Variants in ETAA1 observed in about 807,000 individuals in gnomAD.
ETAA1 encodes the protein ETAA1 activator of ATR kinase.
A neutral mutation model predicts 76.8 loss-of-function variants in ETAA1; 49 were observed. The observed-to-expected ratio is 0.64, with a 90% CI of 0.51 to 0.81. The LOEUF (loss-of-function observed/expected upper bound fraction) is 0.81. Among genes scored for constraint, ETAA1 ranks in the 30% least tolerant of loss-of-function variants. The pLI is 0.00. For synonymous variants in ETAA1, 373 were observed against 372.2 expected (o/e 1.00, Z -0.03); for missense variants, 1,099 against 1,074.0 (o/e 1.02, Z -0.32).
chr2:67,399,662 AGTGAAGAATGT>A, intron 3 of ETAA1, 36 bp downstream of exon 3: 1 of 1,394,342 alleles, frequency 7.2e-7, no homozygotes. Context: ...GTTTTAAAAC[AGTGAAGAATGT>A]GCCACTAAGT....
At chr2:67,407,290 G>A (rs2103758379) in intron 5 of ETAA1, among the ~76,000 whole-genome samples, 1 of 150,184 alleles carries the variant, frequency 6.7e-6, no homozygotes, top group South Asian at 2.1e-4. Context: ...TCATAATGTT[G>A]TAAAAAAGTT....
chr2:67,401,303 T>TA (rs546616552), intron 3 of ETAA1: 78 of 151,816 alleles, frequency 5.1e-4, no homozygotes, highest in African/African-American at 1.8e-3. Flanking sequence ...GACAAATACT[T>TA]ATATTGTTTA....
rs372525682 is a variant in ETAA1 at position 67,404,644 on chromosome 2, C to T, written c.1962C>T (p.Asp654=). The T allele has an allele frequency of 5.6e-6, 9 of 1,612,958 alleles. No homozygotes were observed. Among genetic ancestry groups the T allele is most frequent in the African/African-American group, 4.0e-5 (3 of 74,756 alleles). Residue 654 remains aspartate, a synonymous_variant, in exon 5 of 6, where the codon GAC becomes GAT. Coordinates refer to ENST00000272342, the MANE Select transcript of ETAA1 (RefSeq NM_019002.4). ...GAGCCAAACTAACTCAGCAACAAGACATTAGAAAGGACAGTAAGACATCAG... is the reference window on the plus strand; with the variant it reads ...GAGCCAAACTAACTCAGCAACAAGATATTAGAAAGGACAGTAAGACATCAG... ...EHGAKLTQQQ[D]IRKDSKTSES... is the part of the protein sequence containing the mutation.
chr2:67,405,427 A>C (rs2103754691), intron 5 of ETAA1, 92 bp downstream of exon 5: 1 of 945,076 alleles, frequency 1.1e-6, no homozygotes, highest in South Asian at 2.2e-5. Flanking sequence ...AGTAATGTAT[A>C]AGGTAAAACT....
rs771037294 is a variant in ETAA1 at position 67,397,623 on chromosome 2, C to G, written c.175C>G (p.Arg59Gly). ...GGGGCCTCCCGGGCCAGTGCGGCAGCGAGAGCAGCCTCCGACCGCCGCCCT... is the reference window on the plus strand; with the variant it reads ...GGGGCCTCCCGGGCCAGTGCGGCAGGGAGAGCAGCCTCCGACCGCCGCCCT... ...REGPPGPVRQ[R>G]EQPPTAALCS... is the part of the protein sequence containing the mutation. The change falls in exon 1 of 6, where the codon CGA (arginine) becomes GGA (glycine). Residue 59 changes from arginine (R) to glycine (G), a missense_variant. Coordinates refer to ENST00000272342, the MANE Select transcript of ETAA1 (RefSeq NM_019002.4). 4.1e-5 allele frequency: 63 copies of G among 1,547,588 alleles called. No individual in the cohort carries two copies. Among genetic ancestry groups the G allele is most frequent in the Non-Finnish European group, 3.5e-6 (4 of 1,146,628 alleles).
rs898849138 is a variant in ETAA1 at position 67,411,611 on chromosome 2, T to C, written c.*1573T>C. The C allele has an allele frequency of 6.6e-6, 1 of 152,026 alleles. No homozygotes were observed. The highest frequency in any genetic ancestry group is 6.6e-5 in the Admixed American group (1 of 15,224). 9.4% of individuals were successfully genotyped at this position (152,026 alleles called of 1,614,324 possible). A position where few individuals can be genotyped will look rare whatever the true frequency, so the allele number is the denominator to read the frequency against. On this transcript the variant is annotated 3_prime_UTR_variant, in exon 6 of 6. Coordinates refer to ENST00000272342, the MANE Select transcript of ETAA1 (RefSeq NM_019002.4). ...CCTGGGAAAGAATCAAACTTTAAAG[T>C]ATGGTTTCTATTGGACGCATATCAC...
chr2:67,400,691 G>A (rs970777504), intron 3 of ETAA1: 8 of 152,112 alleles, frequency 5.3e-5, no homozygotes, highest in African/African-American at 1.9e-4. Flanking sequence ...AAGGAAGTAT[G>A]CCATTTTTCC....
At position 67,411,281 on chromosome 2, in the gene ETAA1, T is replaced by C. The variant is rs761330959; in HGVS notation, c.*1243T>C. 5.3e-5 allele frequency: 8 copies of C among 152,100 alleles called. No individual in the cohort carries two copies. Among genetic ancestry groups the C allele is most frequent in the Non-Finnish European group, 1.0e-4 (7 of 67,988 alleles). The allele number at this position is 152,100 out of a possible 1,614,324, so 9.4% of individuals were successfully genotyped here. ...CCTGTCATGGTGTGGCATTTATCAC[T>C]ATCAAGTGTCTCAAAGCTGTGATAA... On this transcript the variant is annotated 3_prime_UTR_variant, in exon 6 of 6. Coordinates refer to ENST00000272342, the MANE Select transcript of ETAA1 (RefSeq NM_019002.4).
At chr2:67,400,306 G>C (rs1676017296) in intron 3 of ETAA1, 1 of 152,090 alleles carries the variant, frequency 6.6e-6, no homozygotes, top group Non-Finnish European at 1.5e-5. Context: ...TACTGTAATA[G>C]AACCATCTCC....
rs947421649 is a variant in ETAA1 at position 67,397,686 on chromosome 2, G to A, written c.223+15G>A. ...TAACCCCGAGGGTGAGACGTCGGCA[G>A]CGCGGCCTGCCTTGGCTTCGGCGCC... is the stretch of plus-strand genomic sequence containing the variant. On this transcript the variant is annotated intron_variant, in intron 1 of 5. Transcript: ENST00000272342. 1 of 1,544,370 alleles carries A rather than the reference G, an allele frequency of 6.5e-7. No homozygotes were observed. The highest frequency in any genetic ancestry group is 2.4e-5 in the East Asian group (1 of 40,892).
rs756591892 is a variant in ETAA1 at position 67,404,806 on chromosome 2, T to C, written c.2124T>C (p.Asn708=). Residue 708 remains asparagine, a synonymous_variant, in exon 5 of 6, where the codon AAT becomes AAC. Transcript: ENST00000272342. ...TTTCAGTGCAGACATCTTTGACAAA[T>C]AGCTCACAAATAGATAAGCCAATGA... ...GSISVQTSLT[N]SSQIDKPMKM... 2.5e-6 allele frequency: 4 copies of C among 1,613,238 alleles called. No homozygotes were observed. The East Asian group carries it at 6.7e-5, about 27-fold the overall frequency.
chr2:67,405,354 A>T lies in ETAA1; in HGVS notation c.2653+19A>T, dbSNP rs1676188229. 6.8e-7 allele frequency: 1 copy of T among 1,481,300 alleles called. No homozygotes were observed. The highest frequency in any genetic ancestry group is 9.0e-7 in the Non-Finnish European group (1 of 1,114,210). 91.8% of individuals were successfully genotyped at this position (1,481,300 alleles called of 1,614,324 possible). A position where few individuals can be genotyped will look rare whatever the true frequency, so the allele number is the denominator to read the frequency against. ...TCAAAAGGTATGTATGAAATATGAAATAGTTTTCTTTGAAAAGCATCTTAA... is the reference window on the plus strand; with the variant it reads ...TCAAAAGGTATGTATGAAATATGAATTAGTTTTCTTTGAAAAGCATCTTAA... On this transcript the variant is annotated intron_variant, in intron 5 of 5. Coordinates refer to ENST00000272342, the MANE Select transcript of ETAA1 (RefSeq NM_019002.4).
At chr2:67,406,761 T>A (rs1406370423) in intron 5 of ETAA1, among the ~76,000 whole-genome samples, 1 of 152,074 alleles carries the variant, frequency 6.6e-6, no homozygotes, top group Non-Finnish European at 1.5e-5. Flanking sequence ...TACCTATAGA[T>A]CTATTTAAAT....
In ETAA1 at chr2:67,410,096, G is replaced by C. The variant is rs1367289158; in HGVS notation, c.*58G>C. The C allele has an allele frequency of 1.5e-5, 23 of 1,516,316 alleles. No individual in the cohort carries two copies. Among genetic ancestry groups the C allele is most frequent in the Non-Finnish European group, 1.9e-5 (22 of 1,128,850 alleles). 93.9% of individuals were successfully genotyped at this position (1,516,316 alleles called of 1,614,324 possible). A position where few individuals can be genotyped will look rare whatever the true frequency, so the allele number is the denominator to read the frequency against. On this transcript the variant is annotated 3_prime_UTR_variant, in exon 6 of 6. Coordinates refer to ENST00000272342, the MANE Select transcript of ETAA1 (RefSeq NM_019002.4). ...GCTGATAACTATCTGTGATTGATAG[G>C]AAATTTTTTTTCTTGATTTCTCTGT...
chr2:67,399,066 T>G (rs1158475590), intron 1 of ETAA1, 103 bp from the exon 2 acceptor site: 1 of 1,044,386 alleles, frequency 9.6e-7, no homozygotes, highest in East Asian at 2.7e-5. Context: ...AAAAATTATC[T>G]TGGACTATAA....
Position 67,404,461 on chromosome 2 carries a change from T to C in ETAA1, c.1779T>C (p.Cys593=). 6.2e-7 allele frequency: 1 copy of C among 1,613,320 alleles called. No homozygotes were observed. Among genetic ancestry groups the C allele is most frequent in the Non-Finnish European group, 8.5e-7 (1 of 1,179,520 alleles). Residue 593 remains cysteine, a synonymous_variant, in exon 5 of 6, where the codon TGT becomes TGC. Coordinates refer to ENST00000272342, the MANE Select transcript of ETAA1 (RefSeq NM_019002.4). ...PSFANEIIKA[C]HQLDNTWEAD... ...TTGCCAATGAAATTATTAAAGCATG[T>C]CATCAATTAGATAATACCTGGGAAG...
At chr2:67,408,305 T>C (rs1261176839) in intron 5 of ETAA1, among the ~76,000 whole-genome samples, 3 of 152,142 alleles carry the variant, frequency 2.0e-5, no homozygotes, top group Non-Finnish European at 2.9e-5. Context: ...CTAAAAATGA[T>C]TTTTACATTT....
rs1461661364 is a variant in ETAA1, at chr2:67,397,419, G to A, written c.-30G>A. 1.3e-6 allele frequency: 2 copies of A among 1,563,386 alleles called. No homozygotes were observed. The highest frequency in any genetic ancestry group is 1.4e-5 in the African/African-American group (1 of 73,850). On this transcript the variant is annotated 5_prime_UTR_variant, in exon 1 of 6. Coordinates refer to ENST00000272342, the MANE Select transcript of ETAA1 (RefSeq NM_019002.4). ...CATCCCTTTGCAAAATGTGAAAGAA[G>A]AAGCGGCTGGTGGAGGCGGGCCATA...
rs1323175916 is a variant in ETAA1, at chr2:67,403,585, G to T, written c.903G>T (p.Leu301=). The change falls in exon 5 of 6, where the codon CTG becomes CTT. Residue 301 remains leucine, a synonymous_variant. Transcript: ENST00000272342. The part of the protein sequence containing the change: ...QKCSGQLSQE[L]PEAFWSTSNT... Reference sequence around the variant, plus strand: ...GTAGCGGACAGTTAAGCCAAGAACTGCCAGAGGCTTTTTGGAGCACCAGTA... The same window carrying T: ...GTAGCGGACAGTTAAGCCAAGAACTTCCAGAGGCTTTTTGGAGCACCAGTA... 1 of 1,613,344 alleles carries T rather than the reference G, an allele frequency of 6.2e-7. No homozygotes were observed. The highest frequency in any genetic ancestry group is 8.5e-7 in the Non-Finnish European group (1 of 1,179,398).
Sources: gnomAD v4.1 joint callset for allele counts (sites outside exome capture counted in the v4.1 genomes callset) on GRCh38, gnomAD v4.1.1 for gene constraint, MANE v1.5 for transcripts, NCBI Gene and HGNC (gene_info 2026-07-23, HGNC 2026-07-21) for gene names.